Variants in UPP2 observed in about 807,000 individuals in gnomAD.
The protein encoded by UPP2 is uridine phosphorylase 2.
Under a neutral mutation model 26.7 loss-of-function variants are expected in UPP2, and 23 were observed. That is an observed-to-expected ratio of 0.86 (90% CI 0.62 to 1.22). The LOEUF is 1.22. Ranked by LOEUF, UPP2 falls within the 50% of genes most tolerant of loss-of-function variation. The pLI is 0.00. For synonymous variants in UPP2, 127 were observed against 141.3 expected (o/e 0.90, Z 0.72); for missense variants, 387 against 396.7 (o/e 0.98, Z 0.21).
chr2:158,121,385 T>C, intron 4 of UPP2, 24 bp from the exon 5 acceptor site: 2 of 1,587,644 alleles, frequency 1.3e-6, no homozygotes, highest in Non-Finnish European at 1.7e-6. Context: ...TATTCTTCTG[T>C]AATCATTTAT....
At chr2:158,129,956 G>A (rs1480475067) in intron 6 of UPP2, among the ~76,000 whole-genome samples, 1 of 151,876 alleles carries the variant, frequency 6.6e-6, no homozygotes, top group Non-Finnish European at 1.5e-5. Flanking sequence ...TATTGTTGTG[G>A]TTGTTGTTGT....
intron 3 of UPP2, among the ~76,000 whole-genome samples, chr2:158,018,117 TA>T (rs1402285897): frequency 3.3e-5 from 5 of 152,214 alleles, no homozygotes; most frequent in African/African-American, 1.2e-4. Context: ...GATGATATCA[TA>T]ACCAATGAAA....
At chr2:158,099,376 T>C (rs1683036793), upstream of UPP2, among the ~76,000 whole-genome samples, 1 of 152,150 alleles carries the variant, frequency 6.6e-6, no homozygotes, top group Admixed American at 6.5e-5. Context: ...GGGAATCTGA[T>C]GTGGCAGGAG....
At chr2:158,128,579 G>C (rs865828774) in intron 6 of UPP2, among the ~76,000 whole-genome samples, 1 of 152,200 alleles carries the variant, frequency 6.6e-6, no homozygotes, top group Non-Finnish European at 1.5e-5. Context: ...CTGTAGCTCA[G>C]GGAGGTTAAA....
intron 3 of UPP2, among the ~76,000 whole-genome samples, chr2:158,051,974 A>T (rs1461688306): frequency 1.3e-5 from 2 of 152,118 alleles, no homozygotes; most frequent in Non-Finnish European, 2.9e-5. Context: ...GTCTGTCCTA[A>T]CCCATGAGGC....
Position 158,059,507 on chromosome 2 carries a change from A to C in UPP2, c.148-42533A>C, listed in dbSNP as rs977951368. Among the ~76,000 whole-genome samples, 15 of 152,364 alleles carry C rather than the reference A, an allele frequency of 9.8e-5. 1 individual carries two copies. The highest frequency in any genetic ancestry group is 8.5e-4 in the Admixed American group (13 of 15,310). On this transcript the variant is annotated intron_variant, in intron 3 of 9. Coordinates refer to the UPP2 transcript ENST00000605860. Reference sequence around the variant, plus strand: ...CACATGCAGTCAGTCACATTTTAACATAAGTCATACATCATATCTTGGCAG... The same window carrying C: ...CACATGCAGTCAGTCACATTTTAACCTAAGTCATACATCATATCTTGGCAG...
chr2:158,129,370 G>A (rs1683762015), intron 6 of UPP2, among the ~76,000 whole-genome samples: 1 of 152,096 alleles, frequency 6.6e-6, no homozygotes, highest in African/African-American at 2.4e-5. Flanking sequence ...TGGACCTCCT[G>A]GAGAAGACAG....
chr2:158,074,812 A>G (rs1411767188), intron 3 of UPP2, among the ~76,000 whole-genome samples: 4 of 151,700 alleles, frequency 2.6e-5, no homozygotes, highest in Non-Finnish European at 5.9e-5. Context: ...TAATGAAAAG[A>G]CAGGGTGACT....
At chr2:158,114,468 G>A (rs1177437608) in intron 2 of UPP2, among the ~76,000 whole-genome samples, 1 of 152,054 alleles carries the variant, frequency 6.6e-6, no homozygotes, top group Non-Finnish European at 1.5e-5. Context: ...TTTCAGAGAA[G>A]GTAAAATGTG....
At chr2:158,014,290 C>G (rs1305976488) in intron 2 of UPP2, among the ~76,000 whole-genome samples, 1 of 152,184 alleles carries the variant, frequency 6.6e-6, no homozygotes, top group East Asian at 1.9e-4. Context: ...GAAAGTTAAG[C>G]AGGGGAGCTC....
intron 3 of UPP2, among the ~76,000 whole-genome samples, chr2:158,054,245 G>A (rs552426617): frequency 9.9e-5 from 15 of 152,212 alleles, no homozygotes; most frequent in Admixed American, 4.6e-4. Context: ...GTGACAGAGT[G>A]AGACCCTGTC....
intron 3 of UPP2, among the ~76,000 whole-genome samples, chr2:158,071,913 C>T (rs970370895): frequency 1.3e-5 from 2 of 152,058 alleles, no homozygotes; most frequent in Non-Finnish European, 2.9e-5. Context: ...GCAGCGACTA[C>T]TATGAAAGAC....
At position 158,121,495 on chromosome 2, in the gene UPP2, A is replaced by T. The variant is rs771290161; in HGVS notation, c.541A>T (p.Ile181Phe). Residue 181 changes from isoleucine to phenylalanine, a missense_variant, in exon 5 of 7, where the codon ATT (isoleucine) becomes TTT (phenylalanine). Transcript: ENST00000005756. ...PRFEQVILDN[I>F]VTRSTELDKE... is the part of the protein sequence containing the mutation. ...GTTTGAACAGGTCATTTTGGACAAC[A>T]TTGTCACCCGAAGTACTGAACTGGA... 52 of 1,613,336 alleles carry T rather than the reference A, an allele frequency of 3.2e-5. No individual in the cohort carries two copies. The highest frequency in any genetic ancestry group is 4.3e-5 in the Non-Finnish European group (51 of 1,179,464).
intron 2 of UPP2, among the ~76,000 whole-genome samples, chr2:157,998,380 C>T (rs920590624): frequency 1.3e-5 from 2 of 152,252 alleles, no homozygotes; most frequent in Non-Finnish European, 2.9e-5. Context: ...CGTCTGAATC[C>T]TTGAAATGCT....
At chr2:158,100,826 C>A (rs1286209446), upstream of UPP2, among the ~76,000 whole-genome samples, 1 of 152,146 alleles carries the variant, frequency 6.6e-6, no homozygotes, top group Non-Finnish European at 1.5e-5. Context: ...ATGGATTCCC[C>A]AATATAGAGT....
intron 3 of UPP2, among the ~76,000 whole-genome samples, chr2:158,053,734 T>G (rs1682195560): frequency 6.6e-6 from 1 of 152,132 alleles, no homozygotes; most frequent in African/African-American, 2.4e-5. Flanking sequence ...TTTGAAGGAT[T>G]TTAGCCACAG....
intron 3 of UPP2, among the ~76,000 whole-genome samples, chr2:158,035,194 G>A (rs1031814255): frequency 6.7e-6 from 1 of 148,378 alleles, no homozygotes. Context: ...GTCTTGCTCT[G>A]TCGCCCAGGC....
At chr2:158,105,724 AG>A (rs1293598790) in intron 1 of UPP2, among the ~76,000 whole-genome samples, 4 of 152,396 alleles carry the variant, frequency 2.6e-5, no homozygotes, top group Non-Finnish European at 5.9e-5. Context: ...CAAAGAAATT[AG>A]ATGACCGTTA....
At chr2:158,088,445 T>C (rs1463215649) in intron 3 of UPP2, among the ~76,000 whole-genome samples, 1 of 152,252 alleles carries the variant, frequency 6.6e-6, no homozygotes, top group African/African-American at 2.4e-5. Flanking sequence ...CCTCCTTGAT[T>C]AGCTTAATAG....
Sources: gnomAD v4.1 joint callset for allele counts (sites outside exome capture counted in the v4.1 genomes callset) on GRCh38, gnomAD v4.1.1 for gene constraint, MANE v1.5 for transcripts, NCBI Gene and HGNC (gene_info 2026-07-23, HGNC 2026-07-21) for gene names.